Variants in TMEM200A observed in about 807,000 individuals in gnomAD.
TMEM200A encodes two transmembrane C.
TMEM200A carries 12 observed loss-of-function variants against 24.3 expected under a neutral mutation model. The observed-to-expected ratio is 0.49, with a 90% CI of 0.32 to 0.80. The LOEUF (loss-of-function observed/expected upper bound fraction) is 0.80. Ranked by LOEUF, TMEM200A falls within the 30% of genes least tolerant of loss-of-function variation. TMEM200A has a pLI of 0.04. For missense variants in TMEM200A, 545 were observed against 614.4 expected (o/e 0.89, Z 1.19); for synonymous variants, 224 against 224.4 (o/e 1.00, Z 0.02).
intron 2 of TMEM200A, among the ~76,000 whole-genome samples, chr6:130,388,233 G>A (rs1778755727): frequency 6.6e-6 from 1 of 152,204 alleles, no homozygotes; most frequent in South Asian, 2.1e-4. Flanking sequence ...AAAGGAACTA[G>A]GATTATTCTG....
chr6:130,432,860 A>G (rs1779910742), intron 2 of TMEM200A, among the ~76,000 whole-genome samples: 1 of 152,174 alleles, frequency 6.6e-6, no homozygotes, highest in Admixed American at 6.5e-5. Context: ...CCCATTTTAC[A>G]AATGAAGGAA....
At chr6:130,420,138 AG>A (rs35648792) in intron 2 of TMEM200A, among the ~76,000 whole-genome samples, 1 of 152,140 alleles carries the variant, frequency 6.6e-6, no homozygotes, top group African/African-American at 2.4e-5. Context: ...ATTTTGGTGG[AG>A]GGGACACATT....
At chr6:130,394,901 G>A (rs1002639203) in intron 2 of TMEM200A, among the ~76,000 whole-genome samples, 5 of 152,138 alleles carry the variant, frequency 3.3e-5, no homozygotes, top group Non-Finnish European at 4.4e-5. Context: ...GGATATGAAA[G>A]TTCATGTGAT....
chr6:130,397,487 T>C (rs1388336390), intron 2 of TMEM200A, among the ~76,000 whole-genome samples: 1 of 152,138 alleles, frequency 6.6e-6, no homozygotes. Context: ...AAAAATCCTT[T>C]TCATCCTTAA....
At chr6:130,374,700 AAGTGTG>A (rs1778407887) in intron 1 of TMEM200A, among the ~76,000 whole-genome samples, 1 of 152,308 alleles carries the variant, frequency 6.6e-6, no homozygotes, top group East Asian at 1.9e-4. Context: ...CTGGGATTAC[AAGTGTG>A]AGCAACCTCA....
At chr6:130,418,500 A>G (rs1031981011) in intron 2 of TMEM200A, among the ~76,000 whole-genome samples, 1 of 152,200 alleles carries the variant, frequency 6.6e-6, no homozygotes, top group Admixed American at 6.5e-5. Flanking sequence ...AGTCTAGTTC[A>G]TAGCAACCTG....
chr6:130,436,138 T>G (rs1309376351), intron 2 of TMEM200A, among the ~76,000 whole-genome samples: 1 of 152,164 alleles, frequency 6.6e-6, no homozygotes, highest in Admixed American at 6.5e-5. Context: ...CCATCTCAAA[T>G]GGGAGGCTCT....
intron 2 of TMEM200A, among the ~76,000 whole-genome samples, chr6:130,432,366 G>A (rs1010098013): frequency 6.6e-6 from 1 of 152,208 alleles, no homozygotes; most frequent in Non-Finnish European, 1.5e-5. Flanking sequence ...CTCCGAATCT[G>A]AAGAAATAGA....
intron 1 of TMEM200A, among the ~76,000 whole-genome samples, chr6:130,372,583 C>T (rs1778347797): frequency 1.3e-5 from 2 of 152,100 alleles, no homozygotes; most frequent in South Asian, 4.1e-4. Flanking sequence ...AGAGGACACT[C>T]GCTAGCACAT....
intron 1 of TMEM200A, among the ~76,000 whole-genome samples, chr6:130,379,597 A>G (rs1778548980): frequency 6.6e-6 from 1 of 152,200 alleles, no homozygotes; most frequent in African/African-American, 2.4e-5. Context: ...CTCCAATGTC[A>G]AACGGTGAAG....
chr6:130,365,686 G>C (rs988988952), upstream of TMEM200A: 7 of 985,354 alleles, frequency 7.1e-6, no homozygotes, highest in African/African-American at 1.2e-4. Context: ...GTTTCCGCAC[G>C]CCAGCCTTCC....
At chr6:130,369,483 A>C (rs1778265557) in intron 1 of TMEM200A, among the ~76,000 whole-genome samples, 1 of 152,178 alleles carries the variant, frequency 6.6e-6, no homozygotes, top group Non-Finnish European at 1.5e-5. Context: ...GTCTCCAATT[A>C]CGAGCTCAAG....
intron 2 of TMEM200A, among the ~76,000 whole-genome samples, chr6:130,397,911 T>G (rs774431012): frequency 1.3e-5 from 2 of 151,784 alleles, no homozygotes; most frequent in Non-Finnish European, 2.9e-5. Flanking sequence ...ATATTTTTAT[T>G]TTAGTGGGTA....
At chr6:130,394,775 G>T (rs778029768) in intron 2 of TMEM200A, among the ~76,000 whole-genome samples, 16 of 152,180 alleles carry the variant, frequency 1.1e-4, no homozygotes, top group Non-Finnish European at 2.1e-4. Flanking sequence ...TGGAATAGAA[G>T]GTATGGTGCA....
intron 2 of TMEM200A, among the ~76,000 whole-genome samples, chr6:130,399,368 C>A (rs976463350): frequency 9.2e-5 from 14 of 151,938 alleles, no homozygotes; most frequent in African/African-American, 3.4e-4. Flanking sequence ...GTTTCCCATC[C>A]TTTCTACTGA....
chr6:130,389,725 C>A (rs1778791998), intron 2 of TMEM200A, among the ~76,000 whole-genome samples: 1 of 152,024 alleles, frequency 6.6e-6, no homozygotes, highest in African/African-American at 2.4e-5. Context: ...GATTTTAACA[C>A]CAGCAGTGGG....
At chr6:130,430,509 GAA>G in intron 2 of TMEM200A, among the ~76,000 whole-genome samples, 1 of 152,270 alleles carries the variant, frequency 6.6e-6, no homozygotes, top group Middle Eastern at 3.4e-3. Context: ...ACAAGTAGGA[GAA>G]GAGAGGGAAA....
intron 1 of TMEM200A, among the ~76,000 whole-genome samples, chr6:130,373,453 G>GGAACCTAC (rs1395770063): frequency 5.9e-5 from 9 of 151,984 alleles, no homozygotes; most frequent in African/African-American, 2.2e-4. Flanking sequence ...GCTTAATAGT[G>GGAACCTAC]TATTACAACC....
chr6:130,399,300 T>C (rs117866919), intron 2 of TMEM200A, among the ~76,000 whole-genome samples: 2,775 of 152,214 alleles, frequency 0.018, 23 homozygotes, highest in Non-Finnish European at 0.027. Context: ...TTCAACCTGC[T>C]AATTCATGTT....
Sources: gnomAD v4.1 joint callset for allele counts (sites outside exome capture counted in the v4.1 genomes callset) on GRCh38, gnomAD v4.1.1 for gene constraint, MANE v1.5 for transcripts, NCBI Gene and HGNC (gene_info 2026-07-23, HGNC 2026-07-21) for gene names.